RYR3: variants seen among roughly 807,000 people sequenced by gnomAD.
RYR3 encodes ryanodine receptor 3.
Under a neutral mutation model 584.3 loss-of-function variants are expected in RYR3, and 207 were observed. The observed-to-expected ratio is 0.35, with a 90% CI of 0.32 to 0.40. The LOEUF is 0.40. Among genes scored for constraint, RYR3 ranks in the 10% least tolerant of loss-of-function variants. The pLI is 1.00. For missense variants in RYR3, 5,616 were observed against 6,089.2 expected, an observed-to-expected ratio of 0.92 and a Z score of 2.59; for synonymous variants, 2,416 against 2,248.5, an observed-to-expected ratio of 1.07 and a Z score of -2.11.
At position 33,585,903 on chromosome 15, in the gene RYR3, C is replaced by T; in HGVS notation, c.1670-95C>T. On this transcript the variant is annotated intron_variant, in intron 15 of 103. Coordinates refer to ENST00000634891, the MANE Select transcript of RYR3 (RefSeq NM_001036.6). ...TCAAAGAATTGACGATATCCTGTCC[C>T]CTCAGGAAGGACTGTTCATACTCAG... 7 of 719,766 alleles carry T rather than the reference C, an allele frequency of 9.7e-6. No homozygotes were observed. In the South Asian group the frequency reaches 1.1e-4, roughly 12 times the overall value. 44.6% of individuals were successfully genotyped at this position (719,766 alleles called of 1,614,324 possible).
Position 33,838,397 on chromosome 15 carries a change from C to T in RYR3, c.12417C>T (p.Ala4139=). Residue 4139 remains alanine, a synonymous_variant, in exon 89 of 104, where the codon GCC becomes GCT. Transcript: ENST00000634891. Reference sequence around the variant, plus strand: ...AAGAAGACGGGTCTCTTGAGCCGGCCTCTGCATTTGCTATGGCCTGTGCCT... The same window carrying T: ...AAGAAGACGGGTCTCTTGAGCCGGCTTCTGCATTTGCTATGGCCTGTGCCT... ...EEEEDGSLEP[A]SAFAMACASV... 1 of 1,613,980 alleles carries T rather than the reference C, an allele frequency of 6.2e-7. No individual in the cohort carries two copies. The highest frequency in any genetic ancestry group is 8.5e-7 in the Non-Finnish European group (1 of 1,179,890).
At chr15:33,446,773 T>G (rs2046703732) in intron 1 of RYR3, among the ~76,000 whole-genome samples, 1 of 152,236 alleles carries the variant, frequency 6.6e-6, no homozygotes, top group African/African-American at 2.4e-5. Context: ...CAATCTTAAT[T>G]AGTTCTGCCA....
At chr15:33,455,829 T>A (rs2047510612) in intron 1 of RYR3, among the ~76,000 whole-genome samples, 1 of 152,200 alleles carries the variant, frequency 6.6e-6, no homozygotes, top group Non-Finnish European at 1.5e-5. Flanking sequence ...TTATTGCACA[T>A]AATCCCACAC....
chr15:33,705,926 A>G (rs2066676307), intron 42 of RYR3, among the ~76,000 whole-genome samples: 2 of 152,196 alleles, frequency 1.3e-5, no homozygotes, highest in South Asian at 4.1e-4. Flanking sequence ...CCCCAGATGT[A>G]CGCTAGCTAG....
intron 1 of RYR3, among the ~76,000 whole-genome samples, chr15:33,349,661 G>A (rs1439171593): frequency 2.1e-5 from 3 of 145,402 alleles, no homozygotes; most frequent in African/African-American, 7.7e-5. Flanking sequence ...CGTTACATAT[G>A]TATACATGTG....
intron 18 of RYR3, among the ~76,000 whole-genome samples, chr15:33,611,907 C>T (rs921324482): frequency 7.2e-5 from 11 of 152,174 alleles, no homozygotes; most frequent in African/African-American, 2.4e-4. Flanking sequence ...GATCTGCCTG[C>T]CTTGGCCACC....
intron 57 of RYR3, among the ~76,000 whole-genome samples, chr15:33,754,006 A>C (rs896602419): frequency 6.6e-6 from 1 of 152,130 alleles, no homozygotes; most frequent in Non-Finnish European, 1.5e-5. Context: ...TTAGCCAGGA[A>C]TGATGGTGCG....
At chr15:33,627,177 G>A (rs1426407071) in intron 20 of RYR3, among the ~76,000 whole-genome samples, 1 of 152,152 alleles carries the variant, frequency 6.6e-6, no homozygotes, top group Admixed American at 6.5e-5. Flanking sequence ...AAAAGTGTGG[G>A]TCCCGTGTTA....
At chr15:33,684,586 AG>A (rs2064858500) in intron 38 of RYR3, among the ~76,000 whole-genome samples, 1 of 152,226 alleles carries the variant, frequency 6.6e-6, no homozygotes, top group Admixed American at 6.5e-5. Flanking sequence ...AATCAAATTC[AG>A]GAAATACAGA....
At chr15:33,727,159 C>T (rs141821969) in intron 46 of RYR3, among the ~76,000 whole-genome samples, 235 of 152,370 alleles carry the variant, frequency 1.5e-3, no homozygotes, top group African/African-American at 5.5e-3. Flanking sequence ...TGTCTTCAGC[C>T]ACAGTCGCAT....
chr15:33,583,787 C>T (rs1270545934), intron 14 of RYR3, among the ~76,000 whole-genome samples: 3 of 152,094 alleles, frequency 2.0e-5, no homozygotes, highest in Admixed American at 6.6e-5. Flanking sequence ...CATGGTAGCT[C>T]GCTCCTGTAA....
chr15:33,629,864 A>ATGTTC, intron 21 of RYR3, 76 bp from the exon 22 acceptor site: 3 of 746,650 alleles, frequency 4.0e-6, no homozygotes, highest in Non-Finnish European at 6.7e-6. Context: ...GTTTCAAAGT[A>ATGTTC]TGTTCTGTTC....
intron 3 of RYR3, among the ~76,000 whole-genome samples, chr15:33,523,939 T>G (rs1230679353): frequency 6.6e-6 from 1 of 152,120 alleles, no homozygotes; most frequent in African/African-American, 2.4e-5. Flanking sequence ...GTCAGTGTCT[T>G]AAAAGCAATG....
chr15:33,446,465 G>A (rs938032707), intron 1 of RYR3, among the ~76,000 whole-genome samples: 2 of 152,324 alleles, frequency 1.3e-5, no homozygotes, highest in East Asian at 3.9e-4. Flanking sequence ...CTGGAAGCCC[G>A]AGATCAAGGT....
intron 18 of RYR3, among the ~76,000 whole-genome samples, chr15:33,608,288 C>T (rs963283673): frequency 6.6e-6 from 1 of 152,186 alleles, no homozygotes; most frequent in Non-Finnish European, 1.5e-5. Context: ...GCCCCTCCAA[C>T]CTCCCTTTGC....
intron 1 of RYR3, among the ~76,000 whole-genome samples, chr15:33,443,604 C>T (rs917250895): frequency 6.6e-5 from 10 of 152,160 alleles, no homozygotes; most frequent in African/African-American, 2.2e-4. Flanking sequence ...GTACAGACAT[C>T]GCTCCTCTGA....
chr15:33,645,048 GTTCCATACCTATA>G lies in RYR3; in HGVS notation c.3765+533_3765+545del, dbSNP rs569028920. Among the ~76,000 whole-genome samples the G allele has an allele frequency of 2.2e-4, 34 of 151,992 alleles. No individual in the cohort carries two copies. In the East Asian group the frequency reaches 6.2e-3, roughly 28 times the overall value. The stretch of plus-strand genomic sequence containing the variant: ...TTTTTTATTAAAAAAAAATTTAAAA[GTTCCATACCTATA>G]TTCAAGATTATATATACTGAACATG... On this transcript the variant is annotated intron_variant, in intron 28 of 103. Transcript: ENST00000634891.
chr15:33,667,639 T>C (rs1380112802), intron 36 of RYR3, among the ~76,000 whole-genome samples: 1 of 152,232 alleles, frequency 6.6e-6, no homozygotes, highest in Non-Finnish European at 1.5e-5. Context: ...TTGATACCTG[T>C]ATTACAGTAT....
intron 90 of RYR3, among the ~76,000 whole-genome samples, chr15:33,841,099 C>A (rs979742797): frequency 1.3e-5 from 2 of 152,074 alleles, no homozygotes; most frequent in Non-Finnish European, 2.9e-5. Context: ...CACCTGTAGT[C>A]ACAGCTACTT....
Sources: allele counts gnomAD v4.1 joint callset (sites outside exome capture counted in the v4.1 genomes callset), GRCh38; gene constraint gnomAD v4.1.1; transcripts MANE v1.5; gene names NCBI Gene and HGNC (gene_info 2026-07-23, HGNC 2026-07-21).